DIS3L2: variants seen among roughly 807,000 people sequenced by gnomAD.
The protein encoded by DIS3L2 is DIS3 like 3'-5' exoribonuclease 2, also known as DIS3-like exonuclease 2.
A neutral mutation model predicts 97.5 loss-of-function variants in DIS3L2; 34 were observed. That is an observed-to-expected ratio of 0.35 (90% CI 0.27 to 0.46). The LOEUF (loss-of-function observed/expected upper bound fraction) is 0.46, where lower values mean the gene tolerates loss of function less well. Ranked by LOEUF, DIS3L2 falls within the 20% of genes least tolerant of loss-of-function variation. DIS3L2 has a pLI of 1.00. For missense variants in DIS3L2, 1,038 were observed against 1,146.0 expected (o/e 0.91, Z 1.36); for synonymous variants, 435 against 445.2 (o/e 0.98, Z 0.29).
chr2:232,030,185 G>A, intron 5 of DIS3L2, 105 bp downstream of exon 5: 1 of 922,064 alleles, frequency 1.1e-6, no homozygotes, highest in Admixed American at 2.6e-5. Flanking sequence ...GACCCCTTAG[G>A]CGCTGTGATA....
chr2:232,230,363 C>T (rs1692755972), intron 10 of DIS3L2, among the ~76,000 whole-genome samples: 1 of 152,228 alleles, frequency 6.6e-6, no homozygotes, highest in Non-Finnish European at 1.5e-5. Context: ...CCCCTCATCG[C>T]TGGTGCCGTT....
intron 6 of DIS3L2, among the ~76,000 whole-genome samples, chr2:232,104,848 G>T (rs1410237254): frequency 6.6e-6 from 1 of 152,030 alleles, no homozygotes; most frequent in Non-Finnish European, 1.5e-5. Context: ...CAGAGGGTCT[G>T]GCTGTGTTCC....
At chr2:232,211,555 A>G (rs988519416) in intron 10 of DIS3L2, among the ~76,000 whole-genome samples, 5 of 152,216 alleles carry the variant, frequency 3.3e-5, no homozygotes, top group Admixed American at 6.5e-5. Context: ...GGTCATCCTC[A>G]GAGATGGCCT....
At chr2:232,047,087 T>TG (rs1258536065) in intron 5 of DIS3L2, among the ~76,000 whole-genome samples, 2 of 152,254 alleles carry the variant, frequency 1.3e-5, no homozygotes, top group African/African-American at 2.4e-5. Flanking sequence ...AGCTTTCTGT[T>TG]GGAGACCCAC....
chr2:232,304,695 C>G lies in DIS3L2; in HGVS notation c.1739+4576C>G, dbSNP rs572399716. Reference sequence around the variant, plus strand: ...AGCTGGTTGGCCTCCCGGCTGTCCTCTCTGCAGCCTGAGTGAGTGTGTGTG... The same window carrying G: ...AGCTGGTTGGCCTCCCGGCTGTCCTGTCTGCAGCCTGAGTGAGTGTGTGTG... On this transcript the variant is annotated intron_variant, in intron 14 of 20. Transcript: ENST00000325385. Among the ~76,000 whole-genome samples the G allele has an allele frequency of 2.6e-5, 4 of 152,308 alleles. No individual in the cohort carries two copies. In the East Asian group the frequency reaches 5.8e-4, roughly 22 times the overall value.
intron 1 of DIS3L2, among the ~76,000 whole-genome samples, chr2:231,988,263 T>C (rs369586856): frequency 2.0e-5 from 3 of 152,188 alleles, no homozygotes; most frequent in Admixed American, 6.5e-5. Context: ...TTTGGATTGC[T>C]CCAAACCCTA....
chr2:232,199,723 C>T (rs1006782573), intron 9 of DIS3L2, among the ~76,000 whole-genome samples: 29 of 151,860 alleles, frequency 1.9e-4, no homozygotes, highest in African/African-American at 6.8e-4. Context: ...GGAAAACAAA[C>T]ACAGAAAGGG....
chr2:232,197,142 T>A (rs1316876702), intron 9 of DIS3L2, among the ~76,000 whole-genome samples: 1 of 152,150 alleles, frequency 6.6e-6, no homozygotes, highest in African/African-American at 2.4e-5. Flanking sequence ...CAAATAGAAA[T>A]CTAGGAGAGA....
At chr2:232,336,313 A>C (rs1695945447) in intron 20 of DIS3L2, 156 bp from the exon 21 acceptor site, 1 of 1,545,790 alleles carries the variant, frequency 6.5e-7, no homozygotes, top group African/African-American at 1.4e-5. Flanking sequence ...GACCCAGGGC[A>C]TTCTTCCTGG....
chr2:231,986,446 G>C (rs1051240193), intron 1 of DIS3L2, among the ~76,000 whole-genome samples: 2 of 152,100 alleles, frequency 1.3e-5, no homozygotes, highest in African/African-American at 4.8e-5. Context: ...AATTCGCCTA[G>C]CAACGTCCCT....
chr2:232,185,296 A>G (rs1192913497), intron 9 of DIS3L2, among the ~76,000 whole-genome samples: 1 of 152,254 alleles, frequency 6.6e-6, no homozygotes, highest in Non-Finnish European at 1.5e-5. Context: ...ACAGGACAAT[A>G]GTAAAATATC....
chr2:232,101,906 A>C (rs1473390032), intron 6 of DIS3L2, among the ~76,000 whole-genome samples: 1 of 152,238 alleles, frequency 6.6e-6, no homozygotes, highest in Non-Finnish European at 1.5e-5. Flanking sequence ...AAAACTATTG[A>C]GATAAAGGTT....
chr2:232,111,191 T>A (rs750276371), intron 6 of DIS3L2: 5 of 471,016 alleles, frequency 1.1e-5, no homozygotes, highest in South Asian at 6.2e-5. Context: ...CCCTTCTGTT[T>A]TACAGACAAT....
chr2:231,969,287 T>C (rs1692821682), intron 1 of DIS3L2, among the ~76,000 whole-genome samples: 1 of 151,976 alleles, frequency 6.6e-6, no homozygotes, highest in Non-Finnish European at 1.5e-5. Flanking sequence ...CTAAGCTCAC[T>C]TAGTTCTTAT....
At chr2:232,034,761 C>T (rs555276597) in intron 5 of DIS3L2, among the ~76,000 whole-genome samples, 1 of 152,226 alleles carries the variant, frequency 6.6e-6, no homozygotes, top group South Asian at 2.1e-4. Flanking sequence ...GTTCAGTTTC[C>T]ATGTAGTTGT....
intron 9 of DIS3L2, among the ~76,000 whole-genome samples, chr2:232,174,975 C>T (rs1691110482): frequency 2.0e-5 from 3 of 152,026 alleles, no homozygotes; most frequent in Non-Finnish European, 1.5e-5. Context: ...GACAACAGGG[C>T]GTGCCACCAA....
rs547846132 is a variant in DIS3L2 at position 232,280,475 on chromosome 2, C to G, written c.1659+17035C>G. On this transcript the variant is annotated intron_variant, in intron 13 of 20. Transcript: ENST00000325385. ...AATGGTGCCAAACACAGGACTTTGC[C>G]GATTACATGTGAACACCCATGTCAG... Among the ~76,000 whole-genome samples, 14 of 152,318 alleles carry G rather than the reference C, an allele frequency of 9.2e-5. No individual in the cohort carries two copies. The East Asian group carries it at 2.3e-3, about 25-fold the overall frequency.
chr2:232,278,599 C>T (rs887351533), intron 13 of DIS3L2, among the ~76,000 whole-genome samples: 1 of 152,178 alleles, frequency 6.6e-6, no homozygotes, highest in African/African-American at 2.4e-5. Flanking sequence ...TTTCACTTAG[C>T]ATGAAAGTGC....
intron 9 of DIS3L2, among the ~76,000 whole-genome samples, chr2:232,184,239 AC>A (rs1311077138): frequency 6.6e-6 from 1 of 152,142 alleles, no homozygotes; most frequent in Non-Finnish European, 1.5e-5. Flanking sequence ...CACTGATGTG[AC>A]TCTCAAGTCT....
Sources: gnomAD v4.1 joint callset for allele counts (sites outside exome capture counted in the v4.1 genomes callset) on GRCh38, gnomAD v4.1.1 for gene constraint, MANE v1.5 for transcripts, NCBI Gene and HGNC (gene_info 2026-07-23, HGNC 2026-07-21) for gene names.